KCNMB2: variants seen among roughly 807,000 people sequenced by gnomAD.
KCNMB2 encodes the protein calcium-activated potassium channel subunit beta-2.
Under a neutral mutation model 24.5 loss-of-function variants are expected in KCNMB2, and 9 were observed. The ratio of observed to expected loss-of-function variants is 0.37; its 90% CI spans 0.22 to 0.64. The LOEUF is 0.64. KCNMB2 is among the 30% of genes least tolerant of loss of function. The pLI, the probability that KCNMB2 is intolerant of heterozygous loss-of-function variation, is 0.63. For missense variants in KCNMB2, 226 were observed against 284.3 expected (o/e 0.79, Z 1.47); for synonymous variants, 109 against 104.4 (o/e 1.04, Z -0.27).
intron 1 of KCNMB2, among the ~76,000 whole-genome samples, chr3:178,774,639 A>C (rs1269526117): frequency 6.6e-6 from 1 of 152,206 alleles, no homozygotes; most frequent in Non-Finnish European, 1.5e-5. Context: ...AAAAGCACAC[A>C]CTGAGGGCAC....
chr3:178,578,190 C>A (rs2108486316), intron 1 of KCNMB2, among the ~76,000 whole-genome samples: 1 of 152,312 alleles, frequency 6.6e-6, no homozygotes, highest in African/African-American at 2.4e-5. Context: ...TCTGCAGAAA[C>A]CCTGCAAGCC....
intron 1 of KCNMB2, among the ~76,000 whole-genome samples, chr3:178,798,010 G>A (rs1183645765): frequency 6.6e-6 from 1 of 152,164 alleles, no homozygotes; most frequent in African/African-American, 2.4e-5. Context: ...TGCTGAAGTT[G>A]CTTATCAGTT....
chr3:178,684,576 C>T lies in KCNMB2; in HGVS notation c.-67-122767C>T, dbSNP rs187076283. 3.2e-3 allele frequency among the ~76,000 whole-genome samples: 486 copies of T among 152,206 alleles called. 3 individuals carry two copies. The highest frequency in any genetic ancestry group is 0.011 in the African/African-American group (457 of 41,520). On this transcript the variant is annotated intron_variant, in intron 1 of 4. Coordinates refer to ENST00000452583, the MANE Select transcript of KCNMB2 (RefSeq NM_181361.3). ...GGCGTGGTGGCTCACACCTGTAATC[C>T]AAGCACTTTGGGAGTCCGAGGCGGG...
intron 2 of KCNMB2, among the ~76,000 whole-genome samples, chr3:178,807,882 GAATT>G (rs527548489): frequency 2.9e-4 from 44 of 151,566 alleles, no homozygotes; most frequent in Non-Finnish European, 5.6e-4. Context: ...TTTATTAACT[GAATT>G]AATTTTATTA....
chr3:178,697,313 A>G (rs771427299), intron 1 of KCNMB2, among the ~76,000 whole-genome samples: 16 of 152,168 alleles, frequency 1.1e-4, no homozygotes, highest in South Asian at 4.1e-4. Flanking sequence ...TATATTTAGG[A>G]TAGTTAGATC....
chr3:178,634,068 C>T (rs948683686), intron 1 of KCNMB2, among the ~76,000 whole-genome samples: 3 of 152,178 alleles, frequency 2.0e-5, no homozygotes, highest in African/African-American at 7.2e-5. Context: ...CAATTCTGGT[C>T]AAAGCCATTC....
At chr3:178,691,785 G>A (rs745683978) in intron 1 of KCNMB2, among the ~76,000 whole-genome samples, 6 of 152,154 alleles carry the variant, frequency 3.9e-5, no homozygotes, top group Non-Finnish European at 7.4e-5. Flanking sequence ...TAATTGTTGG[G>A]TGGAATGGTA....
intron 1 of KCNMB2, among the ~76,000 whole-genome samples, chr3:178,576,574 G>A (rs1164779981): frequency 6.6e-6 from 1 of 152,204 alleles, no homozygotes. Context: ...ATGGAGCCCA[G>A]CAAGCTAAGA....
At chr3:178,816,031 T>C (rs758508280) in intron 2 of KCNMB2, among the ~76,000 whole-genome samples, 1 of 151,828 alleles carries the variant, frequency 6.6e-6, no homozygotes, top group African/African-American at 2.4e-5. Flanking sequence ...ACTTCATTAA[T>C]AGGTTGGGTA....
chr3:178,560,087 ATAAAT>A (rs964286865), intron 1 of KCNMB2, among the ~76,000 whole-genome samples: 1 of 148,334 alleles, frequency 6.7e-6, no homozygotes, highest in African/African-American at 2.4e-5. Flanking sequence ...ACTAATATAT[ATAAAT>A]TACTTTTTAT....
At chr3:178,781,848 G>T (rs1419880349) in intron 1 of KCNMB2, among the ~76,000 whole-genome samples, 1 of 149,016 alleles carries the variant, frequency 6.7e-6, no homozygotes, top group Non-Finnish European at 1.5e-5. Flanking sequence ...GTGCAGGTTA[G>T]TTACATATGT....
intron 1 of KCNMB2, among the ~76,000 whole-genome samples, chr3:178,782,360 C>G (rs1424990835): frequency 6.7e-6 from 1 of 149,590 alleles, no homozygotes; most frequent in Admixed American, 6.7e-5. Context: ...CCTGAGGAAT[C>G]GCCACACTGA....
intron 1 of KCNMB2, among the ~76,000 whole-genome samples, chr3:178,668,670 A>C (rs778980647): frequency 2.0e-5 from 3 of 152,150 alleles, no homozygotes; most frequent in Non-Finnish European, 4.4e-5. Context: ...GTAAAACTGA[A>C]TCACAACTGC....
chr3:178,732,382 C>T (rs1328070380), intron 1 of KCNMB2, among the ~76,000 whole-genome samples: 1 of 152,154 alleles, frequency 6.6e-6, no homozygotes, highest in East Asian at 1.9e-4. Flanking sequence ...CAGAGACATA[C>T]ATGTGCAGAG....
chr3:178,825,700 T>A lies in KCNMB2; in HGVS notation c.169T>A (p.Cys57Ser). The change falls in exon 3 of 5, where the codon TGC becomes AGC. Residue 57 changes from cysteine (C) to serine (S), a missense_variant. By Grantham distance (112) the Cys-to-Ser change is moderately radical (BLOSUM62 -1). Coordinates refer to ENST00000452583, the MANE Select transcript of KCNMB2 (RefSeq NM_181361.3). ...TCTCCTGGGACTGGCTATGATGGTG[T>A]GCTCCATCATGATGTATTTTCTGCT... is the stretch of plus-strand genomic sequence containing the variant. ...AILLGLAMMVCSIMMYFLLGI... is the reference protein window; with the variant it reads ...AILLGLAMMVSSIMMYFLLGI... 1 of 1,613,480 alleles carries A rather than the reference T, an allele frequency of 6.2e-7. No homozygotes were observed. Among genetic ancestry groups the A allele is most frequent in the Non-Finnish European group, 8.5e-7 (1 of 1,179,424 alleles).
chr3:178,601,865 G>A (rs112471238), intron 1 of KCNMB2, among the ~76,000 whole-genome samples: 311 of 152,278 alleles, frequency 2.0e-3, no homozygotes, highest in African/African-American at 6.9e-3. Flanking sequence ...AAAGGCAACA[G>A]AAGAAAAGCC....
chr3:178,822,438 C>T (rs1714668739), intron 2 of KCNMB2, among the ~76,000 whole-genome samples: 1 of 152,176 alleles, frequency 6.6e-6, no homozygotes. Context: ...AGTTTTTCAC[C>T]CCACGCTGAT....
intron 1 of KCNMB2, among the ~76,000 whole-genome samples, chr3:178,711,666 T>C (rs1185292082): frequency 6.6e-6 from 1 of 152,184 alleles, no homozygotes; most frequent in African/African-American, 2.4e-5. Context: ...AAAGCCCCAG[T>C]TAAAATTAAA....
At chr3:178,743,797 T>G (rs575925739) in intron 1 of KCNMB2, among the ~76,000 whole-genome samples, 1 of 152,342 alleles carries the variant, frequency 6.6e-6, no homozygotes, top group Admixed American at 6.5e-5. Context: ...CAGCATTAAA[T>G]TTTAAGCATT....
Sources: allele counts gnomAD v4.1 joint callset (sites outside exome capture counted in the v4.1 genomes callset), GRCh38; gene constraint gnomAD v4.1.1; transcripts MANE v1.5; gene names NCBI Gene and HGNC (gene_info 2026-07-23, HGNC 2026-07-21).